SCD5: variants seen among roughly 807,000 people sequenced by gnomAD.
SCD5 encodes stearoyl-CoA desaturase 5, also known as acyl-CoA-desaturase 4.
A neutral mutation model predicts 30.4 loss-of-function variants in SCD5; 20 were observed. That is an observed-to-expected ratio of 0.66 (90% CI 0.46 to 0.96). SCD5 has a LOEUF of 0.96. Among genes scored for constraint, SCD5 ranks in the 40% least tolerant of loss-of-function variants. The pLI, the probability that SCD5 is intolerant of heterozygous loss-of-function variation, is 0.00. For synonymous variants in SCD5, 173 were observed against 176.4 expected (o/e 0.98, Z 0.16); for missense variants, 381 against 443.3 (o/e 0.86, Z 1.26).
chr4:82,731,817 T>G (rs895941559), intron 1 of SCD5, among the ~76,000 whole-genome samples: 1 of 152,120 alleles, frequency 6.6e-6, no homozygotes, highest in African/African-American at 2.4e-5. Context: ...CCAGACCTGC[T>G]CCCCATTCCC....
At chr4:82,641,253 C>CAAA (rs10708492) in intron 3 of SCD5, among the ~76,000 whole-genome samples, 6 of 52,214 alleles carry the variant, frequency 1.1e-4, no homozygotes, top group Non-Finnish European at 1.4e-4. Flanking sequence ...AACTCCATCT[C>CAAA]AAAAAAAAAA....
rs70964800 is a variant in SCD5 at position 82,664,999 on chromosome 4, C to CTATA, written c.569+15704_569+15707dup. On this transcript the variant is annotated intron_variant, in intron 3 of 4. Transcript: ENST00000319540. ...TCTCTCTCTCTCTCTCTCTCTCTCT[C>CTATA]TATATATATATATATATATATGTAT... Among the ~76,000 whole-genome samples the CTATA allele has an allele frequency of 9.3e-3, 652 of 70,398 alleles. 16 individuals carry two copies. Among genetic ancestry groups the CTATA allele is most frequent in the East Asian group, 0.015 (38 of 2,476 alleles). The allele number at this position is 70,398 out of a possible 152,430, so 46.2% of individuals were successfully genotyped here. A position where few individuals can be genotyped will look rare whatever the true frequency, so the allele number is the denominator to read the frequency against.
chr4:82,774,864 A>G (rs1011344843), intron 1 of SCD5, among the ~76,000 whole-genome samples: 1 of 152,200 alleles, frequency 6.6e-6, no homozygotes. Context: ...GAATTTGACC[A>G]TCAGCAAAGC....
At chr4:82,655,561 A>C (rs989306671) in intron 3 of SCD5, among the ~76,000 whole-genome samples, 10 of 152,216 alleles carry the variant, frequency 6.6e-5, no homozygotes, top group Non-Finnish European at 8.8e-5. Context: ...AAGTAAAAAT[A>C]GTTTTTCAAA....
At chr4:82,793,447 A>G (rs574308433) in intron 1 of SCD5, among the ~76,000 whole-genome samples, 1 of 152,348 alleles carries the variant, frequency 6.6e-6, no homozygotes, top group East Asian at 1.9e-4. Context: ...GAAGCACAGA[A>G]GGGATTTGTG....
intron 1 of SCD5, among the ~76,000 whole-genome samples, chr4:82,788,946 C>A (rs527561919): frequency 6.6e-6 from 1 of 152,318 alleles, no homozygotes; most frequent in South Asian, 2.1e-4. Context: ...AGTACCCTAT[C>A]TCAAGATTTT....
chr4:82,790,645 G>A (rs1722081224), intron 1 of SCD5, among the ~76,000 whole-genome samples: 1 of 152,162 alleles, frequency 6.6e-6, no homozygotes, highest in Non-Finnish European at 1.5e-5. Context: ...TGTCACCTGT[G>A]CACCTATTTC....
At chr4:82,668,104 T>G (rs1053547397) in intron 3 of SCD5, among the ~76,000 whole-genome samples, 1 of 152,142 alleles carries the variant, frequency 6.6e-6, no homozygotes, top group Non-Finnish European at 1.5e-5. Context: ...TTTGTTCTCT[T>G]ATAAAACTGT....
chr4:82,792,221 C>T (rs1190534542), intron 1 of SCD5, among the ~76,000 whole-genome samples: 1 of 151,802 alleles, frequency 6.6e-6, no homozygotes, highest in Non-Finnish European at 1.5e-5. Context: ...CGCACCACTG[C>T]ACTTGCACTC....
intron 1 of SCD5, among the ~76,000 whole-genome samples, chr4:82,763,092 G>A (rs959955334): frequency 9.9e-5 from 15 of 152,246 alleles, no homozygotes; most frequent in Non-Finnish European, 2.2e-4. Flanking sequence ...GGGGAGGACA[G>A]CTGTGATAGA....
In SCD5 at chr4:82,773,982, G is replaced by A. The variant is rs191809290; in HGVS notation, c.232+24324C>T. The stretch of plus-strand genomic sequence containing the variant: ...CGCATGCCTGTAATCCCAGCTACTC[G>A]GGAGGCTGAGGCAGAAGAATTGCTT... On this transcript the variant is annotated intron_variant, in intron 1 of 4. Coordinates refer to ENST00000319540, the MANE Select transcript of SCD5 (RefSeq NM_001037582.3). 2.9e-3 allele frequency among the ~76,000 whole-genome samples: 440 copies of A among 151,896 alleles called. 1 individual carries two copies. The highest frequency in any genetic ancestry group is 4.5e-3 in the Non-Finnish European group (308 of 67,940).
chr4:82,746,114 A>G (rs912713250), intron 1 of SCD5, among the ~76,000 whole-genome samples: 2 of 152,378 alleles, frequency 1.3e-5, no homozygotes, highest in East Asian at 3.9e-4. Context: ...ACTGTTACCC[A>G]CAGTCCAAAA....
intron 4 of SCD5, 133 bp downstream of exon 4, chr4:82,636,452 GAAAAAA>G: frequency 1.8e-6 from 1 of 551,246 alleles, no homozygotes; most frequent in South Asian, 2.4e-5. Context: ...CTCTATCTCG[GAAAAAA>G]AAAAAAAAAG....
chr4:82,794,372 T>G (rs531385397), intron 1 of SCD5, among the ~76,000 whole-genome samples: 1 of 152,286 alleles, frequency 6.6e-6, no homozygotes, highest in Admixed American at 6.5e-5. Flanking sequence ...TTTAGGGGAC[T>G]CGGATGACAT....
intron 1 of SCD5, among the ~76,000 whole-genome samples, chr4:82,723,593 A>T (rs899511314): frequency 6.6e-6 from 1 of 152,234 alleles, no homozygotes; most frequent in Admixed American, 6.5e-5. Flanking sequence ...CTTAAAAATT[A>T]AAAAACTTTA....
chr4:82,743,215 T>C (rs554304503), intron 1 of SCD5, among the ~76,000 whole-genome samples: 23 of 152,098 alleles, frequency 1.5e-4, no homozygotes, highest in African/African-American at 5.3e-4. Context: ...GTCTATTTCC[T>C]AAAAATTAGT....
intron 3 of SCD5, among the ~76,000 whole-genome samples, chr4:82,644,724 G>T (rs1225379540): frequency 6.6e-6 from 1 of 152,158 alleles, no homozygotes; most frequent in Non-Finnish European, 1.5e-5. Context: ...ATGTAGGATT[G>T]TGCACATAAA....
At position 82,648,494 on chromosome 4, in the gene SCD5, T is replaced by C. The variant is rs139611682; in HGVS notation, c.570-11671A>G. ...GCAGTGGTGCCTAAGAGGTATCTCA[T>C]GGCATGAGCATGATCTCGAGAAACA... is the stretch of plus-strand genomic sequence containing the variant. On this transcript the variant is annotated intron_variant, in intron 3 of 4. Transcript: ENST00000319540. 2.7e-3 allele frequency among the ~76,000 whole-genome samples: 416 copies of C among 151,456 alleles called. 1 individual carries two copies. Among genetic ancestry groups the C allele is most frequent in the Middle Eastern group, 0.01 (3 of 294 alleles).
intron 1 of SCD5, among the ~76,000 whole-genome samples, chr4:82,784,580 C>A (rs1188860486): frequency 6.6e-6 from 1 of 152,176 alleles, no homozygotes; most frequent in Non-Finnish European, 1.5e-5. Context: ...GCTTCTACTG[C>A]AAAAGGAGTT....
Sources: gnomAD v4.1 joint callset for allele counts (sites outside exome capture counted in the v4.1 genomes callset) on GRCh38, gnomAD v4.1.1 for gene constraint, MANE v1.5 for transcripts, NCBI Gene and HGNC (gene_info 2026-07-23, HGNC 2026-07-21) for gene names.